Variants in MACROD2 observed in about 807,000 individuals in gnomAD.
MACROD2 encodes ADP-ribose glycohydrolase MACROD2.
In MACROD2, 36 loss-of-function variants were observed where a neutral mutation model predicts 70.4. That is an observed-to-expected ratio of 0.51 (90% CI 0.39 to 0.68). The LOEUF is 0.68. MACROD2 is among the 30% of genes least tolerant of loss of function. The pLI is 0.00. For synonymous variants in MACROD2, 172 were observed against 178.8 expected (o/e 0.96, Z 0.30); for missense variants, 496 against 538.4 (o/e 0.92, Z 0.78).
chr20:14,580,943 C>T (rs1980973526), intron 4 of MACROD2, among the ~76,000 whole-genome samples: 1 of 152,146 alleles, frequency 6.6e-6, no homozygotes. Flanking sequence ...CTCTGAAGAA[C>T]ACATTTGAAA....
At chr20:14,273,676 A>C (rs2122366810) in intron 3 of MACROD2, among the ~76,000 whole-genome samples, 1 of 152,006 alleles carries the variant, frequency 6.6e-6, no homozygotes, top group African/African-American at 2.4e-5. Flanking sequence ...GAGACACAAA[A>C]AACCCTTCAA....
intron 3 of MACROD2, among the ~76,000 whole-genome samples, chr20:14,433,979 T>C (rs951824264): frequency 6.6e-6 from 1 of 152,198 alleles, no homozygotes; most frequent in Non-Finnish European, 1.5e-5. Flanking sequence ...TCATATATCA[T>C]TGAAGACACA....
intron 4 of MACROD2, among the ~76,000 whole-genome samples, chr20:14,650,918 G>A (rs934704026): frequency 2.0e-5 from 3 of 152,128 alleles, no homozygotes; most frequent in Admixed American, 2.0e-4. Flanking sequence ...TAGTTAAGTT[G>A]CAAGCACTAT....
intron 5 of MACROD2, among the ~76,000 whole-genome samples, chr20:15,097,311 A>G (rs1382656735): frequency 1.3e-5 from 2 of 152,186 alleles, no homozygotes; most frequent in South Asian, 4.1e-4. Context: ...TATGTATAGT[A>G]ATAGGAAATG....
At position 14,848,682 on chromosome 20, in the gene MACROD2, G is replaced by A. The variant is rs545599869; in HGVS notation, c.418+163723G>A. ...TGCTTGTTAAAATCATAATAATTTC[G>A]ATATATTCATGCAAATAAATATATT... On this transcript the variant is annotated intron_variant, in intron 5 of 17. Coordinates refer to ENST00000684519, the MANE Select transcript of MACROD2 (RefSeq NM_001351661.2). Among the ~76,000 whole-genome samples, 68 of 152,148 alleles carry A rather than the reference G, an allele frequency of 4.5e-4. 1 individual carries two copies. In the Middle Eastern group the frequency reaches 0.01, roughly 23 times the overall value.
Position 15,002,323 on chromosome 20 carries a change from G to A in MACROD2, c.419-227617G>A, listed in dbSNP as rs1024995368. 1.3e-5 allele frequency among the ~76,000 whole-genome samples: 2 copies of A among 152,094 alleles called. 1 individual carries two copies. Among genetic ancestry groups the A allele is most frequent in the Non-Finnish European group, 2.9e-5 (2 of 68,028 alleles). ...CTATGGCCATTCTTTTAGGAGTAGG[G>A]TGGTATCACATTGTGGCTTTGATTT... On this transcript the variant is annotated intron_variant, in intron 5 of 17. Coordinates refer to ENST00000684519, the MANE Select transcript of MACROD2 (RefSeq NM_001351661.2).
At chr20:14,364,334 A>G (rs887277442) in intron 3 of MACROD2, among the ~76,000 whole-genome samples, 7 of 152,196 alleles carry the variant, frequency 4.6e-5, no homozygotes, top group African/African-American at 1.7e-4. Flanking sequence ...ACCTCATTCT[A>G]CAGTGAGCTG....
intron 8 of MACROD2, among the ~76,000 whole-genome samples, chr20:15,742,532 C>T (rs928272803): frequency 4.6e-5 from 7 of 152,088 alleles, no homozygotes; most frequent in Non-Finnish European, 8.8e-5. Context: ...AATCAGCGTG[C>T]GAAGAAATTC....
chr20:15,528,970 C>G (rs1349576187), intron 8 of MACROD2, among the ~76,000 whole-genome samples: 1 of 152,120 alleles, frequency 6.6e-6, no homozygotes, highest in East Asian at 1.9e-4. Context: ...GATAGAATTA[C>G]TGCTCTAACA....
chr20:15,415,065 G>C (rs920254082), intron 6 of MACROD2, among the ~76,000 whole-genome samples: 2 of 152,260 alleles, frequency 1.3e-5, no homozygotes, highest in African/African-American at 4.8e-5. Flanking sequence ...AGCCATGTAT[G>C]GTGCATGCGG....
chr20:15,864,641 G>A (rs2147167694), intron 9 of MACROD2, among the ~76,000 whole-genome samples: 1 of 152,152 alleles, frequency 6.6e-6, no homozygotes, highest in Middle Eastern at 3.4e-3. Flanking sequence ...ACAGTTTTAG[G>A]AGGGTAAAAT....
intron 5 of MACROD2, among the ~76,000 whole-genome samples, chr20:15,005,340 G>A (rs1233936319): frequency 2.6e-5 from 4 of 152,056 alleles, no homozygotes; most frequent in Non-Finnish European, 4.4e-5. Flanking sequence ...AAAGCCCAAG[G>A]CATCTATTTG....
At chr20:14,413,871 G>A (rs2083775045) in intron 3 of MACROD2, among the ~76,000 whole-genome samples, 1 of 144,388 alleles carries the variant, frequency 6.9e-6, no homozygotes, top group Non-Finnish European at 1.5e-5. Context: ...TTTGCTCTTG[G>A]TGTGAATGCA....
chr20:14,965,045 G>C (rs1174644919), intron 5 of MACROD2, among the ~76,000 whole-genome samples: 2 of 152,188 alleles, frequency 1.3e-5, no homozygotes, highest in African/African-American at 4.8e-5. Context: ...CACATGTTTA[G>C]TGTCGGCAAA....
At chr20:15,860,767 C>T (rs868685125) in intron 8 of MACROD2, among the ~76,000 whole-genome samples, 11 of 152,174 alleles carry the variant, frequency 7.2e-5, no homozygotes, top group Non-Finnish European at 1.5e-4. Context: ...CCTCCCCACC[C>T]TCCCCAGAAC....
intron 3 of MACROD2, among the ~76,000 whole-genome samples, chr20:14,191,882 C>G (rs2081391224): frequency 6.6e-6 from 1 of 151,676 alleles, no homozygotes; most frequent in African/African-American, 2.4e-5. Context: ...AGGACTTTGC[C>G]CTGAATGAGA....
At chr20:15,265,842 T>G (rs1377602379) in intron 6 of MACROD2, among the ~76,000 whole-genome samples, 1 of 152,230 alleles carries the variant, frequency 6.6e-6, no homozygotes, top group South Asian at 2.1e-4. Flanking sequence ...GATTTCTGAT[T>G]TCTCTAACTT....
intron 2 of MACROD2, among the ~76,000 whole-genome samples, chr20:14,047,154 C>T (rs774464145): frequency 5.9e-5 from 9 of 152,004 alleles, no homozygotes; most frequent in Middle Eastern, 3.4e-3. Context: ...ACAAAGAAAT[C>T]CATGGAAATG....
intron 7 of MACROD2, among the ~76,000 whole-genome samples, chr20:15,457,997 G>A (rs1432899602): frequency 6.0e-5 from 9 of 150,258 alleles, no homozygotes; most frequent in African/African-American, 1.2e-4. Flanking sequence ...ACCTAGGGCC[G>A]CATCTGATTC....
Sources: allele counts gnomAD v4.1 joint callset (sites outside exome capture counted in the v4.1 genomes callset), GRCh38; gene constraint gnomAD v4.1.1; transcripts MANE v1.5; gene names NCBI Gene and HGNC (gene_info 2026-07-23, HGNC 2026-07-21).